EPM2A: variants seen among roughly 807,000 people sequenced by gnomAD.
EPM2A encodes laforin.
EPM2A carries 21 observed loss-of-function variants against 26.5 expected under a neutral mutation model. The observed-to-expected ratio is 0.79, with a 90% CI of 0.56 to 1.14. The LOEUF (loss-of-function observed/expected upper bound fraction) is 1.14, where lower values mean the gene tolerates loss of function less well. EPM2A is among the 50% of genes most tolerant of loss of function. The pLI is 0.00. For missense variants in EPM2A, 458 were observed against 440.8 expected (o/e 1.04, Z -0.35); for synonymous variants, 217 against 177.6 (o/e 1.22, Z -1.76).
chr6:145,700,168 TG>T (rs370038497), intron 1 of EPM2A, among the ~76,000 whole-genome samples: 226 of 152,302 alleles, frequency 1.5e-3, no homozygotes, highest in African/African-American at 5.2e-3. Flanking sequence ...TATTAAAATG[TG>T]CCATCTCTGT....
At chr6:145,682,831 T>A (rs1303724374) in intron 2 of EPM2A, among the ~76,000 whole-genome samples, 1 of 152,172 alleles carries the variant, frequency 6.6e-6, no homozygotes, top group Admixed American at 6.6e-5. Context: ...ATTCTAGGCA[T>A]AATTCCATTC....
intron 2 of EPM2A, among the ~76,000 whole-genome samples, chr6:145,571,177 T>C (rs541698630): frequency 7.7e-6 from 1 of 129,916 alleles, no homozygotes; most frequent in Admixed American, 7.3e-5. Context: ...ATCCTGGCTA[T>C]GGGAGAAACT....
chr6:145,406,517 A>T (rs1778571981), intron 4 of EPM2A, among the ~76,000 whole-genome samples: 1 of 152,136 alleles, frequency 6.6e-6, no homozygotes, highest in Non-Finnish European at 1.5e-5. Context: ...ACTCTGGTGG[A>T]TGTATATACA....
chr6:145,439,885 C>A (rs528331091), intron 4 of EPM2A, among the ~76,000 whole-genome samples: 120 of 152,286 alleles, frequency 7.9e-4, no homozygotes, highest in African/African-American at 2.8e-3. Flanking sequence ...ATCATGAAAT[C>A]TTTGCCAGTT....
At position 145,419,184 on chromosome 6, in the gene EPM2A, C is replaced by A. The variant is rs984493929; in HGVS notation, c.556-35087G>T. On this transcript the variant is annotated intron_variant, in intron 4 of 4. Transcript: ENST00000638717. ...CCAAGCAAATTCTGTTAAATGTCCC[C>A]CCCCCCCGCTCCTTTCCCCAGCAGC... Among the ~76,000 whole-genome samples, 13 of 148,416 alleles carry A rather than the reference C, an allele frequency of 8.8e-5. No individual in the cohort carries two copies. In the South Asian group the frequency reaches 9.0e-4, roughly 10 times the overall value.
At chr6:145,554,690 A>G (rs1006995846) in intron 2 of EPM2A, among the ~76,000 whole-genome samples, 5 of 152,096 alleles carry the variant, frequency 3.3e-5, no homozygotes. Flanking sequence ...TGAGAGAGGA[A>G]GAATGTGCTC....
At chr6:145,484,393 A>G (rs578013535) in intron 4 of EPM2A, among the ~76,000 whole-genome samples, 3 of 152,164 alleles carry the variant, frequency 2.0e-5, no homozygotes, top group African/African-American at 7.2e-5. Context: ...CTGCCTGTGC[A>G]CTTATTTGAT....
intron 4 of EPM2A, among the ~76,000 whole-genome samples, chr6:145,407,064 T>A (rs1778578838): frequency 6.6e-6 from 1 of 152,156 alleles, no homozygotes; most frequent in African/African-American, 2.4e-5. Flanking sequence ...GCACAGATGC[T>A]GACCGTGCGA....
chr6:145,490,344 G>C, intron 4 of EPM2A: 1 of 1,373,576 alleles, frequency 7.3e-7, no homozygotes, highest in Non-Finnish European at 1.0e-6. Flanking sequence ...CATTTATAGA[G>C]CTTCTTTCTT....
At chr6:145,432,500 C>CTTTTT (rs3063949) in intron 4 of EPM2A, among the ~76,000 whole-genome samples, 2 of 147,164 alleles carry the variant, frequency 1.4e-5, no homozygotes, top group Non-Finnish European at 1.5e-5. Context: ...TTTTTTGAGT[C>CTTTTT]TTTTTTTTTT....
At chr6:145,443,571 C>T (rs1779094793) in intron 4 of EPM2A, among the ~76,000 whole-genome samples, 1 of 152,168 alleles carries the variant, frequency 6.6e-6, no homozygotes, top group African/African-American at 2.4e-5. Flanking sequence ...GACTTTCATA[C>T]TTTGATTTTA....
chr6:145,607,593 G>A (rs1775289459), intron 2 of EPM2A, among the ~76,000 whole-genome samples: 1 of 152,114 alleles, frequency 6.6e-6, no homozygotes, highest in Admixed American at 6.5e-5. Flanking sequence ...AAGGAGTCTG[G>A]GAAAAGTGGG....
intron 4 of EPM2A, among the ~76,000 whole-genome samples, chr6:145,402,696 G>A (rs1462868687): frequency 6.6e-6 from 1 of 152,140 alleles, no homozygotes; most frequent in East Asian, 1.9e-4. Context: ...CAGAGAAAGA[G>A]CAAAAGAGCA....
At chr6:145,609,181 C>T (rs898383756) in intron 2 of EPM2A, among the ~76,000 whole-genome samples, 4 of 152,124 alleles carry the variant, frequency 2.6e-5, no homozygotes, top group Admixed American at 1.3e-4. Context: ...TTAATTTGAT[C>T]GGACTCTATG....
intron 2 of EPM2A, among the ~76,000 whole-genome samples, chr6:145,644,121 C>T (rs1324617234): frequency 6.6e-6 from 1 of 152,104 alleles, no homozygotes; most frequent in Non-Finnish European, 1.5e-5. Context: ...TGGTGCAGTA[C>T]AGTTCATAAT....
At chr6:145,586,379 C>G (rs1368922903) in intron 2 of EPM2A, among the ~76,000 whole-genome samples, 1 of 152,078 alleles carries the variant, frequency 6.6e-6, no homozygotes, top group Non-Finnish European at 1.5e-5. Flanking sequence ...AAATCATATT[C>G]TTTCAAATAT....
At chr6:145,517,390 C>T in intron 2 of EPM2A, among the ~76,000 whole-genome samples, 1 of 152,048 alleles carries the variant, frequency 6.6e-6, no homozygotes, top group East Asian at 1.9e-4. Context: ...ACAAAAATCA[C>T]AAACAAACAA....
chr6:145,729,639 T>C (rs1456037332), intron 1 of EPM2A, among the ~76,000 whole-genome samples: 1 of 152,228 alleles, frequency 6.6e-6, no homozygotes, highest in Non-Finnish European at 1.5e-5. Context: ...CCATTGTATC[T>C]TGGAAGTAAT....
chr6:145,478,136 T>C (rs1779564788), intron 4 of EPM2A, among the ~76,000 whole-genome samples: 2 of 151,740 alleles, frequency 1.3e-5, no homozygotes, highest in South Asian at 4.1e-4. Flanking sequence ...ATGCCAACAA[T>C]GAAAAATGTG....
Sources: allele counts gnomAD v4.1 joint callset (sites outside exome capture counted in the v4.1 genomes callset), GRCh38; gene constraint gnomAD v4.1.1; transcripts MANE v1.5; gene names NCBI Gene and HGNC (gene_info 2026-07-23, HGNC 2026-07-21).